Variants in NXPH1 observed in about 807,000 individuals in gnomAD.
NXPH1 encodes the protein neurexophilin-1.
NXPH1 carries 5 observed loss-of-function variants against 23.7 expected under a neutral mutation model. The ratio of observed to expected loss-of-function variants is 0.21; its 90% CI spans 0.11 to 0.44. The LOEUF is 0.44. Among genes scored for constraint, NXPH1 ranks in the 20% least tolerant of loss-of-function variants. The pLI, the probability that NXPH1 is intolerant of heterozygous loss-of-function variation, is 0.99. For missense variants in NXPH1, 324 were observed against 321.6 expected (o/e 1.01, Z -0.06); for synonymous variants, 144 against 122.2 (o/e 1.18, Z -1.18).
At chr7:8,743,269 T>C (rs1412240692) in intron 2 of NXPH1, among the ~76,000 whole-genome samples, 2 of 152,180 alleles carry the variant, frequency 1.3e-5, no homozygotes, top group Non-Finnish European at 2.9e-5. Context: ...TTATTTATGC[T>C]GAACAGTAAT....
At chr7:8,637,603 TG>T (rs1366714022) in intron 2 of NXPH1, among the ~76,000 whole-genome samples, 2 of 152,162 alleles carry the variant, frequency 1.3e-5, no homozygotes, top group African/African-American at 4.8e-5. Flanking sequence ...ATGATCTAAT[TG>T]GCCACACTAA....
At chr7:8,542,430 C>A (rs150130073) in intron 2 of NXPH1, among the ~76,000 whole-genome samples, 1 of 151,392 alleles carries the variant, frequency 6.6e-6, no homozygotes. Context: ...CAAAAAAAAT[C>A]GTAAACTATA....
intron 2 of NXPH1, among the ~76,000 whole-genome samples, chr7:8,612,176 CTCTTT>C (rs1023899863): frequency 6.6e-6 from 1 of 151,344 alleles, no homozygotes; most frequent in Middle Eastern, 3.2e-3. Context: ...TCATTTCTCC[CTCTTT>C]TCTTTACTTT....
chr7:8,448,084 G>A (rs896860973), intron 2 of NXPH1, among the ~76,000 whole-genome samples: 3 of 152,184 alleles, frequency 2.0e-5, no homozygotes, highest in African/African-American at 7.2e-5. Flanking sequence ...GTGAAAGACT[G>A]GCTAGGAGAA....
At chr7:8,615,550 T>A (rs1819716232) in intron 2 of NXPH1, among the ~76,000 whole-genome samples, 2 of 152,058 alleles carry the variant, frequency 1.3e-5, no homozygotes, top group Non-Finnish European at 1.5e-5. Context: ...AATCTGACTC[T>A]GCTTGTCCCA....
At position 8,541,845 on chromosome 7, in the gene NXPH1, G is replaced by T. The variant is rs551719233; in HGVS notation, c.54+106078G>T. 2.6e-5 allele frequency among the ~76,000 whole-genome samples: 4 copies of T among 151,570 alleles called. No homozygotes were observed. In the South Asian group the frequency reaches 8.3e-4, roughly 31 times the overall value. ...GATGTATAGAGTTAACTCTAAAGCA[G>T]TAACTAAAATAACAAAACTAACAAC... On this transcript the variant is annotated intron_variant, in intron 2 of 2. Coordinates refer to ENST00000405863, the MANE Select transcript of NXPH1 (RefSeq NM_152745.3).
chr7:8,748,515 T>C (rs563645504), intron 2 of NXPH1, among the ~76,000 whole-genome samples: 1 of 152,334 alleles, frequency 6.6e-6, no homozygotes, highest in East Asian at 1.9e-4. Flanking sequence ...ACGAGGCTGG[T>C]CCGTGTTTCT....
rs116712255 is a variant in NXPH1 at position 8,547,557 on chromosome 7, C to T, written c.54+111790C>T. 7.5e-4 allele frequency among the ~76,000 whole-genome samples: 114 copies of T among 151,338 alleles called. 1 individual carries two copies. Among genetic ancestry groups the T allele is most frequent in the African/African-American group, 2.2e-3 (92 of 41,402 alleles). ...TTTGTTTCATGGGTATATTGCATAC[C>T]GAAGGGGATTAGTCTTCTAGTGTAC... On this transcript the variant is annotated intron_variant, in intron 2 of 2. Coordinates refer to ENST00000405863, the MANE Select transcript of NXPH1 (RefSeq NM_152745.3).
chr7:8,505,319 C>G (rs1462220100), intron 2 of NXPH1, among the ~76,000 whole-genome samples: 3 of 152,010 alleles, frequency 2.0e-5, no homozygotes, highest in African/African-American at 7.2e-5. Context: ...GTGCCAACAA[C>G]CTTCTTGATC....
intron 2 of NXPH1, among the ~76,000 whole-genome samples, chr7:8,437,746 T>C (rs1156625750): frequency 1.3e-5 from 2 of 152,260 alleles, no homozygotes; most frequent in Admixed American, 1.3e-4. Flanking sequence ...TCTCCTTTAA[T>C]TGTAAACTGG....
At chr7:8,555,044 T>A (rs1239768961) in intron 2 of NXPH1, among the ~76,000 whole-genome samples, 1 of 151,590 alleles carries the variant, frequency 6.6e-6, no homozygotes, top group African/African-American at 2.4e-5. Context: ...TGGAAGGCAG[T>A]GTGGTTTGGC....
At chr7:8,640,591 A>T (rs189813195) in intron 2 of NXPH1, among the ~76,000 whole-genome samples, 1 of 152,204 alleles carries the variant, frequency 6.6e-6, no homozygotes, top group East Asian at 1.9e-4. Flanking sequence ...GTGCTCACTC[A>T]TTATTTTTTA....
chr7:8,526,881 T>G (rs1307048236), intron 2 of NXPH1, among the ~76,000 whole-genome samples: 2 of 152,182 alleles, frequency 1.3e-5, no homozygotes, highest in Non-Finnish European at 2.9e-5. Context: ...TCAGCAGAAG[T>G]AAGGCACAGG....
At chr7:8,494,498 A>G (rs1029921639) in intron 2 of NXPH1, among the ~76,000 whole-genome samples, 2 of 152,132 alleles carry the variant, frequency 1.3e-5, no homozygotes, top group Admixed American at 6.6e-5. Flanking sequence ...TGCCTTCTTC[A>G]TAGATATTTA....
intron 2 of NXPH1, among the ~76,000 whole-genome samples, chr7:8,599,912 A>G (rs1207408856): frequency 6.6e-6 from 1 of 150,670 alleles, no homozygotes; most frequent in Non-Finnish European, 1.5e-5. Context: ...TCATATTACG[A>G]TAACTATGCA....
intron 2 of NXPH1, among the ~76,000 whole-genome samples, chr7:8,639,917 T>C (rs1461429523): frequency 2.0e-5 from 3 of 152,206 alleles, no homozygotes; most frequent in Admixed American, 1.3e-4. Context: ...CTTTTTGTTC[T>C]CAGTTTCAGG....
At chr7:8,673,657 G>A (rs951290378) in intron 2 of NXPH1, among the ~76,000 whole-genome samples, 14 of 151,980 alleles carry the variant, frequency 9.2e-5, no homozygotes, top group Admixed American at 7.2e-4. Context: ...TGCTTACATA[G>A]TTTGTGTGTG....
At chr7:8,490,142 A>G (rs950225848) in intron 2 of NXPH1, among the ~76,000 whole-genome samples, 6 of 152,076 alleles carry the variant, frequency 3.9e-5, no homozygotes, top group Non-Finnish European at 7.4e-5. Context: ...TTCAAAGTCC[A>G]CAGTTTTCCA....
At chr7:8,499,509 C>A (rs554585162) in intron 2 of NXPH1, among the ~76,000 whole-genome samples, 1 of 152,076 alleles carries the variant, frequency 6.6e-6, no homozygotes. Flanking sequence ...TTGGATTCAG[C>A]CTAAGTAGCT....
Sources: gnomAD v4.1 joint callset for allele counts (sites outside exome capture counted in the v4.1 genomes callset) on GRCh38, gnomAD v4.1.1 for gene constraint, MANE v1.5 for transcripts, NCBI Gene and HGNC (gene_info 2026-07-23, HGNC 2026-07-21) for gene names.